Variants in CEP120 observed in about 807,000 individuals in gnomAD.
CEP120 encodes the protein centrosomal protein of 120 kDa.
A neutral mutation model predicts 126.5 loss-of-function variants in CEP120; 113 were observed. The observed-to-expected ratio is 0.89, with a 90% CI of 0.77 to 1.04. The LOEUF is 1.04. Among genes scored for constraint, CEP120 ranks in the 50% least tolerant of loss-of-function variants. The pLI, the probability that CEP120 is intolerant of heterozygous loss-of-function variation, is 0.00. For missense variants in CEP120, 1,230 were observed against 1,155.7 expected (o/e 1.06, Z -0.93); for synonymous variants, 400 against 394.3 (o/e 1.01, Z -0.17).
chr5:123,402,734 T>C (rs972006879), intron 4 of CEP120, among the ~76,000 whole-genome samples: 5 of 152,220 alleles, frequency 3.3e-5, no homozygotes, highest in Admixed American at 2.6e-4. Context: ...TTGATAAATA[T>C]AAGCAAAATG....
intron 10 of CEP120, among the ~76,000 whole-genome samples, chr5:123,385,838 A>T (rs1376431783): frequency 7.2e-5 from 11 of 152,080 alleles, no homozygotes; most frequent in Admixed American, 7.2e-4. Flanking sequence ...TCCTGGGCTC[A>T]AAGCAATCTG....
chr5:123,410,931 C>T (rs1774017746), intron 4 of CEP120, among the ~76,000 whole-genome samples: 1 of 152,152 alleles, frequency 6.6e-6, no homozygotes, highest in South Asian at 2.1e-4. Context: ...TTGTAAAATA[C>T]ATATCTGATA....
At chr5:123,356,387 G>A (rs1476785907) in intron 18 of CEP120, among the ~76,000 whole-genome samples, 2 of 152,084 alleles carry the variant, frequency 1.3e-5, no homozygotes, top group African/African-American at 2.4e-5. Context: ...AATCAATATC[G>A]TGAAAATGGC....
At chr5:123,351,280 A>G (rs1769181454) in intron 18 of CEP120, among the ~76,000 whole-genome samples, 1 of 152,148 alleles carries the variant, frequency 6.6e-6, no homozygotes, top group South Asian at 2.1e-4. Flanking sequence ...CACAGAATCT[A>G]TACAGTATGT....
Position 123,418,428 on chromosome 5 carries a change from T to C in CEP120, c.137A>G (p.His46Arg), listed in dbSNP as rs760917752. 1 of 1,613,212 alleles carries C rather than the reference T, an allele frequency of 6.2e-7. No homozygotes were observed. Residue 46 changes from histidine to arginine, a missense_variant, in exon 2 of 20, where the codon CAC becomes CGC. Transcript: ENST00000306467. ...GEQLATDPVD[H>R]TDQPEFATEL... ...AGTAGCAAATTCTGGCTGGTCAGTG[T>C]GGTCCACAGGATCAGTAGCCAACTG...
At chr5:123,384,824 G>C (rs1332793340) in intron 11 of CEP120, 127 bp downstream of exon 11, 3 of 764,528 alleles carry the variant, frequency 3.9e-6, no homozygotes, top group Non-Finnish European at 6.1e-6. Flanking sequence ...GAAAAAGGAG[G>C]TTATGAAAGG....
chr5:123,423,720 G>T (rs920817117), upstream of CEP120: 2 of 152,136 alleles, frequency 1.3e-5, no homozygotes, highest in Non-Finnish European at 2.9e-5. Flanking sequence ...CTTAGTTGAC[G>T]TACCCAGTGT....
intron 5 of CEP120, among the ~76,000 whole-genome samples, chr5:123,397,259 G>C (rs934932725): frequency 1.2e-4 from 19 of 152,214 alleles, no homozygotes; most frequent in Admixed American, 1.2e-3. Flanking sequence ...GGAAGGCAGA[G>C]GTTGTAGTGA....
chr5:123,353,684 T>C (rs1403471979), intron 18 of CEP120, among the ~76,000 whole-genome samples: 2 of 151,960 alleles, frequency 1.3e-5, no homozygotes. Context: ...TATAAGACTA[T>C]TTCTATTTTC....
intron 4 of CEP120, chr5:123,402,190 C>T (rs1773298144): frequency 7.7e-6 from 12 of 1,568,186 alleles, no homozygotes; most frequent in East Asian, 4.5e-5. Context: ...CCACAGCCGC[C>T]GCCCAGGCCA....
intron 18 of CEP120, among the ~76,000 whole-genome samples, chr5:123,352,986 G>A (rs1769303126): frequency 6.6e-6 from 1 of 151,942 alleles, no homozygotes; most frequent in Non-Finnish European, 1.5e-5. Context: ...CAGCAAACTT[G>A]CTAAACTCAC....
At chr5:123,380,559 A>G (rs577615919) in intron 14 of CEP120, among the ~76,000 whole-genome samples, 27 of 152,252 alleles carry the variant, frequency 1.8e-4, no homozygotes, top group African/African-American at 6.3e-4. Context: ...CAAAATGACA[A>G]CAAACCAAAA....
chr5:123,415,859 C>T (rs989968781), intron 3 of CEP120, 151 bp downstream of exon 3: 4 of 520,718 alleles, frequency 7.7e-6, no homozygotes, highest in Non-Finnish European at 1.4e-5. Flanking sequence ...ATAACAGAGA[C>T]TCCGTCTCAA....
chr5:123,412,478 T>C lies in CEP120; in HGVS notation c.384A>G (p.Ile128Met). 2 of 1,612,112 alleles carry C rather than the reference T, an allele frequency of 1.2e-6. No homozygotes were observed. Among genetic ancestry groups the C allele is most frequent in the African/African-American group, 2.7e-5 (2 of 74,984 alleles). Residue 128 changes from isoleucine to methionine, a missense_variant, in exon 4 of 20, where the codon ATA becomes ATG. Transcript: ENST00000306467. The part of the protein sequence containing the change: ...KYTKFKSEIQ[I>M]SIALETDTKP... ...TTGTATCGGTTTCCAAAGCAATACT[T>C]ATCTGTATCTCAGACTTGAATTTGG... is the stretch of plus-strand genomic sequence containing the variant.
At chr5:123,403,251 T>G in intron 4 of CEP120, 1 of 455,276 alleles carries the variant, frequency 2.2e-6, no homozygotes, top group Non-Finnish European at 4.4e-6. Flanking sequence ...AAAATCATTC[T>G]TTACCGAAAG....
At position 123,377,388 on chromosome 5, in the gene CEP120, G is replaced by A. The variant is rs774705290; in HGVS notation, c.2344C>T (p.Arg782Cys). 28 of 1,607,744 alleles carry A rather than the reference G, an allele frequency of 1.7e-5. No homozygotes were observed. The highest frequency in any genetic ancestry group is 4.5e-5 in the East Asian group (2 of 44,680). ...CGTTATCCAACCTGTTGCTGAAGGCGGTGTTTATCCTCTTCGAGCTGTTTG... is the reference window on the plus strand; with the variant it reads ...CGTTATCCAACCTGTTGCTGAAGGCAGTGTTTATCCTCTTCGAGCTGTTTG... ...KIKQLEEDKH[R>C]LQQQLNDAEN... The change falls in exon 16 of 20, where the codon CGC (arginine) becomes TGC (cysteine). Residue 782 changes from arginine to cysteine, a missense_variant. By Grantham distance (180) the Arg-to-Cys change is radical. Transcript: ENST00000306467.
chr5:123,355,168 C>G (rs1343064067), intron 18 of CEP120, among the ~76,000 whole-genome samples: 1 of 152,112 alleles, frequency 6.6e-6, no homozygotes, highest in African/African-American at 2.4e-5. Flanking sequence ...GCCATATTTT[C>G]TTAATCCAGT....
At chr5:123,399,105 CG>C in intron 5 of CEP120, 30 bp downstream of exon 5, 1 of 1,490,774 alleles carries the variant, frequency 6.7e-7, no homozygotes, top group Non-Finnish European at 9.1e-7. Flanking sequence ...TCAAATTATT[CG>C]TAAGTCACCA....
intron 4 of CEP120, among the ~76,000 whole-genome samples, chr5:123,402,537 G>A (rs1773331309): frequency 1.3e-5 from 2 of 152,108 alleles, no homozygotes; most frequent in African/African-American, 2.4e-5. Flanking sequence ...TCCGCCTCCT[G>A]AGTAGCTGGG....
Sources: gnomAD v4.1 joint callset for allele counts (sites outside exome capture counted in the v4.1 genomes callset) on GRCh38, gnomAD v4.1.1 for gene constraint, MANE v1.5 for transcripts, NCBI Gene and HGNC (gene_info 2026-07-23, HGNC 2026-07-21) for gene names.